UBE2J1: variants seen among roughly 807,000 people sequenced by gnomAD.
The protein encoded by UBE2J1 is ubiquitin-conjugating enzyme E2 J1.
Under a neutral mutation model 42.1 loss-of-function variants are expected in UBE2J1, and 17 were observed. The observed-to-expected ratio is 0.40, with a 90% CI of 0.28 to 0.61. UBE2J1 has a LOEUF of 0.61. Among genes scored for constraint, UBE2J1 ranks in the 20% least tolerant of loss-of-function variants. The pLI, the probability that UBE2J1 is intolerant of heterozygous loss-of-function variation, is 0.38. For missense variants in UBE2J1, 291 were observed against 389.4 expected (o/e 0.75, Z 2.13); for synonymous variants, 127 against 137.2 (o/e 0.93, Z 0.52).
Position 89,327,303 on chromosome 6 carries a change from C to T in UBE2J1, c.*2376G>A, listed in dbSNP as rs1767928856. The T allele has an allele frequency of 6.6e-6, 1 of 152,282 alleles. No homozygotes were observed. The highest frequency in any genetic ancestry group is 2.4e-5 in the African/African-American group (1 of 41,388). The allele number at this position is 152,282 out of a possible 1,614,324, so 9.4% of individuals were successfully genotyped here. On this transcript the variant is annotated 3_prime_UTR_variant, in exon 8 of 8. Coordinates refer to ENST00000435041, the MANE Select transcript of UBE2J1 (RefSeq NM_016021.3). The stretch of plus-strand genomic sequence containing the variant: ...GATCTGAGGATTAAAGAGGAGTCCT[C>T]AGCCTTTACTTGCCAGAATATACAT...
intron 1 of UBE2J1, among the ~76,000 whole-genome samples, chr6:89,350,907 C>T (rs1327157770): frequency 1.3e-5 from 2 of 151,936 alleles, no homozygotes; most frequent in Non-Finnish European, 2.9e-5. Flanking sequence ...CCTAAGGAAC[C>T]GTGTGACCAG....
intron 1 of UBE2J1, among the ~76,000 whole-genome samples, chr6:89,346,649 C>G (rs920024260): frequency 6.6e-6 from 1 of 152,066 alleles, no homozygotes; most frequent in Non-Finnish European, 1.5e-5. Flanking sequence ...CCCTGCCCCC[C>G]ACCCCCTACA....
intron 1 of UBE2J1, among the ~76,000 whole-genome samples, chr6:89,346,083 G>T (rs1235001282): frequency 6.6e-6 from 1 of 151,818 alleles, no homozygotes; most frequent in African/African-American, 2.4e-5. Context: ...TAGAGCTGGG[G>T]TCCCCCTGTC....
At chr6:89,352,486 C>T (rs1768505239) in intron 1 of UBE2J1, 53 bp downstream of exon 1, 2 of 1,523,414 alleles carry the variant, frequency 1.3e-6, no homozygotes, top group Admixed American at 1.9e-5. Context: ...GCGACCACCC[C>T]GGGGTCCAGG....
rs1768304814 is a variant in UBE2J1 at position 89,343,730 on chromosome 6, C to T, written c.58G>A (p.Ala20Thr). ...TGATCTGTTGGATCTTTCAATTCTG[C>T]CGCTTCTTTCATTAAACGTTTAACA... ...PAVKRLMKEA[A>T]ELKDPTDHYH... Residue 20 changes from alanine (A) to threonine (T), a missense_variant, in exon 2 of 8, where the codon GCA becomes ACA. Around this residue, in one of 2 missense-constraint regions of UBE2J1, gnomAD observed 115 missense variants for 193.1 expected, o/e 0.60. Transcript: ENST00000435041. 1 of 1,608,956 alleles carries T rather than the reference C, an allele frequency of 6.2e-7. No homozygotes were observed. The highest frequency in any genetic ancestry group is 8.5e-7 in the Non-Finnish European group (1 of 1,177,776).
intron 1 of UBE2J1, among the ~76,000 whole-genome samples, chr6:89,345,219 G>C (rs900718613): frequency 1.3e-5 from 2 of 152,204 alleles, no homozygotes; most frequent in African/African-American, 4.8e-5. Context: ...GCACAGGTTG[G>C]AATGTTATGG....
intron 3 of UBE2J1, among the ~76,000 whole-genome samples, chr6:89,338,877 G>T (rs990207682): frequency 1.3e-5 from 2 of 151,906 alleles, no homozygotes; most frequent in Non-Finnish European, 2.9e-5. Context: ...GTGTTAGCCA[G>T]GATGGTCTCG....
Position 89,336,996 on chromosome 6 carries a change from C to T in UBE2J1, c.428+1209G>A, listed in dbSNP as rs567762018. Among the ~76,000 whole-genome samples, 17 of 152,124 alleles carry T rather than the reference C, an allele frequency of 1.1e-4. No individual in the cohort carries two copies. In the East Asian group the frequency reaches 1.9e-3, roughly 17 times the overall value. On this transcript the variant is annotated intron_variant, in intron 5 of 7. Coordinates refer to ENST00000435041, the MANE Select transcript of UBE2J1 (RefSeq NM_016021.3). ...CTGAGACTACAGGCACGTGCCACCA[C>T]GCCCAGCTAATTTTTGTATTTTTTT... is the stretch of plus-strand genomic sequence containing the variant.
At position 89,340,966 on chromosome 6, in the gene UBE2J1, G is replaced by A. The variant is rs113907045; in HGVS notation, c.237+1358C>T. 5.8e-3 allele frequency among the ~76,000 whole-genome samples: 873 copies of A among 151,456 alleles called. 8 individuals carry two copies. The highest frequency in any genetic ancestry group is 0.02 in the African/African-American group (820 of 41,232). The stretch of plus-strand genomic sequence containing the variant: ...AATTTTTTGTATTTTTAGTAGAGAC[G>A]GGGTTTCACCTTGTTAGCCAGGATG... On this transcript the variant is annotated intron_variant, in intron 3 of 7. Coordinates refer to ENST00000435041, the MANE Select transcript of UBE2J1 (RefSeq NM_016021.3).
At chr6:89,339,167 G>A (rs1026274957) in intron 3 of UBE2J1, among the ~76,000 whole-genome samples, 1 of 151,560 alleles carries the variant, frequency 6.6e-6, no homozygotes, top group African/African-American at 2.4e-5. Flanking sequence ...GCTCACGCCT[G>A]TAATCCTAGC....
chr6:89,335,107 A>G (rs113702918), intron 6 of UBE2J1, among the ~76,000 whole-genome samples, 195 bp downstream of exon 6: 3,351 of 152,316 alleles, frequency 0.022, 123 homozygotes, highest in African/African-American at 0.077. Context: ...TGCCAGTATT[A>G]AAACATTTCA....
At chr6:89,348,154 C>T (rs779270716) in intron 1 of UBE2J1, among the ~76,000 whole-genome samples, 1 of 152,230 alleles carries the variant, frequency 6.6e-6, no homozygotes, top group Non-Finnish European at 1.5e-5. Context: ...ATTCCAGCTC[C>T]TCTCCTATCT....
rs762053927 is a variant in UBE2J1, at chr6:89,338,552, T to TAAAC, written c.238-13_238-10dup. ...TCAAATCGACCATTAGCCTGAGGAA[T>TAAAC]AAACAATGCATTTAGAAAATTAAAT... On this transcript the variant is annotated splice_polypyrimidine_tract_variant and intron_variant, in intron 3 of 7. Coordinates refer to ENST00000435041, the MANE Select transcript of UBE2J1 (RefSeq NM_016021.3). 9 of 1,523,656 alleles carry TAAAC rather than the reference T, an allele frequency of 5.9e-6. No homozygotes were observed. In the African/African-American group the frequency reaches 1.3e-4, roughly 21 times the overall value. 94.4% of individuals were successfully genotyped at this position (1,523,656 alleles called of 1,614,324 possible).
intron 3 of UBE2J1, among the ~76,000 whole-genome samples, chr6:89,342,087 G>A (rs1021029319): frequency 6.6e-6 from 1 of 152,112 alleles, no homozygotes; most frequent in Admixed American, 6.5e-5. Flanking sequence ...TTAATTCATT[G>A]AATCCTAACA....
rs750641501 is a variant in UBE2J1, at chr6:89,329,685, C to T, written c.951G>A (p.Glu317=). ...CATAAGTCACAAAACCATATTATAA[C>T]TCAAAGTCAAATATGTATTCGTTTG... ...YLANEYIFDF[E]L is the part of the protein sequence containing the mutation. The change falls in exon 8 of 8, where the codon GAG becomes GAA. Residue 317 remains glutamate, a synonymous_variant. Coordinates refer to ENST00000435041, the MANE Select transcript of UBE2J1 (RefSeq NM_016021.3). 9 of 1,614,006 alleles carry T rather than the reference C, an allele frequency of 5.6e-6. No homozygotes were observed. In the Admixed American group the frequency reaches 1.3e-4, roughly 24 times the overall value.
intron 6 of UBE2J1, among the ~76,000 whole-genome samples, chr6:89,333,491 GT>G (rs1041457219): frequency 2.6e-5 from 4 of 152,204 alleles, no homozygotes; most frequent in East Asian, 3.9e-4. Flanking sequence ...AAAACTCAAG[GT>G]TTTTTTGGTA....
chr6:89,336,398 T>C (rs1373621031), intron 5 of UBE2J1, among the ~76,000 whole-genome samples: 1 of 152,064 alleles, frequency 6.6e-6, no homozygotes, highest in Non-Finnish European at 1.5e-5. Flanking sequence ...CCCAGTGATC[T>C]TCCCACTTCA....
Position 89,329,559 on chromosome 6 carries a change from CA to C in UBE2J1, c.*119del. 29 of 1,105,856 alleles carry C rather than the reference CA, an allele frequency of 2.6e-5. No homozygotes were observed. The highest frequency in any genetic ancestry group is 2.9e-5 in the South Asian group (2 of 69,790). 68.5% of individuals were successfully genotyped at this position (1,105,856 alleles called of 1,614,324 possible). A position where few individuals can be genotyped will look rare whatever the true frequency, so the allele number is the denominator to read the frequency against. The stretch of plus-strand genomic sequence containing the variant: ...ATATTTATACTAAACTTACAAGGAT[CA>C]AAAAAAGGAATGAAGGGTAAATACA... On this transcript the variant is annotated 3_prime_UTR_variant, in exon 8 of 8. Coordinates refer to ENST00000435041, the MANE Select transcript of UBE2J1 (RefSeq NM_016021.3).
intron 2 of UBE2J1, 122 bp from the exon 3 acceptor site, chr6:89,342,577 T>G (rs542743773): frequency 4.6e-6 from 4 of 865,630 alleles, no homozygotes; most frequent in Middle Eastern, 3.2e-4. Context: ...GCTAGTATAG[T>G]TTCTAATGCA....
Sources: gnomAD v4.1 joint callset for allele counts (sites outside exome capture counted in the v4.1 genomes callset) on GRCh38, gnomAD v4.1.1 for gene constraint, gnomAD v4.1.1 regional missense constraint, MANE v1.5 for transcripts, NCBI Gene and HGNC (gene_info 2026-07-23, HGNC 2026-07-21) for gene names.